TSFM: variants seen among roughly 807,000 people sequenced by gnomAD.
The protein encoded by TSFM is elongation factor Ts, mitochondrial.
A neutral mutation model predicts 33.4 loss-of-function variants in TSFM; 29 were observed. That is an observed-to-expected ratio of 0.87 (90% CI 0.65 to 1.18). The LOEUF (loss-of-function observed/expected upper bound fraction) is 1.18, where lower values mean the gene tolerates loss of function less well. Among genes scored for constraint, TSFM ranks in the 50% most tolerant of loss-of-function variants. The probability of loss-of-function intolerance (pLI) is 0.00; values close to 1 mark genes in which losing one functional copy is unlikely to be tolerated. For synonymous variants in TSFM, 178 were observed against 163.5 expected (o/e 1.09, Z -0.68); for missense variants, 394 against 395.6 (o/e 1.00, Z 0.04).
chr12:57,788,965 C>CTTT (rs35955000), intron 4 of TSFM, among the ~76,000 whole-genome samples: 2 of 136,122 alleles, frequency 1.5e-5, no homozygotes, highest in African/African-American at 2.7e-5. Flanking sequence ...TATCATCGCC[C>CTTT]TTTTTTTTTT....
Position 57,782,875 on chromosome 12 carries a change from C to T in TSFM, c.57+17C>T, listed in dbSNP as rs376631120. 2 of 1,586,200 alleles carry T rather than the reference C, an allele frequency of 1.3e-6. No homozygotes were observed. Among genetic ancestry groups the T allele is most frequent in the East Asian group, 2.3e-5 (1 of 43,292 alleles). On this transcript the variant is annotated intron_variant, in intron 1 of 5. Coordinates refer to ENST00000652027, the MANE Select transcript of TSFM (RefSeq NM_005726.6). Reference sequence around the variant, plus strand: ...AGCTACCCGGTGAGAAGTCCTGGTGCTGGTACCGACCTGCTGTCCCTGCAG... The same window carrying T: ...AGCTACCCGGTGAGAAGTCCTGGTGTTGGTACCGACCTGCTGTCCCTGCAG...
At chr12:57,801,037 T>C (rs1955836787), downstream of TSFM, 4 of 856,378 alleles carry the variant, frequency 4.7e-6, no homozygotes, top group Non-Finnish European at 7.4e-6. Context: ...ACAACTATGG[T>C]AATACTAAGG....
Position 57,796,833 on chromosome 12 carries a change from C to T in TSFM, c.*250C>T. 2.4e-5 allele frequency: 27 copies of T among 1,143,382 alleles called. No homozygotes were observed. Among genetic ancestry groups the T allele is most frequent in the Non-Finnish European group, 2.8e-5 (26 of 933,786 alleles). 70.8% of individuals were successfully genotyped at this position (1,143,382 alleles called of 1,614,324 possible). A position where few individuals can be genotyped will look rare whatever the true frequency, so the allele number is the denominator to read the frequency against. On this transcript the variant is annotated 3_prime_UTR_variant, in exon 6 of 6. Coordinates refer to ENST00000652027, the MANE Select transcript of TSFM (RefSeq NM_005726.6). ...AGAACAGGCATCAACAATACTGCTG[C>T]TCCCTTCAACATAGATTTATTATGG...
At chr12:57,799,785 A>G (rs1231963536), downstream of TSFM, 1 of 1,613,638 alleles carries the variant, frequency 6.2e-7, no homozygotes, top group Non-Finnish European at 8.5e-7. Context: ...CAGTTCCTTC[A>G]GCCACTCACC....
At chr12:57,801,180 CTCT>C (rs757576235), downstream of TSFM, 25 of 1,613,708 alleles carry the variant, frequency 1.5e-5, no homozygotes, top group South Asian at 2.2e-4. Flanking sequence ...CATCTCCCAG[CTCT>C]TCTTTTAATT....
chr12:57,797,836 A>C (rs778662206), downstream of TSFM: 1 of 1,409,522 alleles, frequency 7.1e-7, no homozygotes, highest in African/African-American at 1.5e-5. Flanking sequence ...TATTGGCACT[A>C]TCTGCTCTTT....
At chr12:57,787,311 G>T in intron 4 of TSFM, 149 bp downstream of exon 4, 1 of 806,136 alleles carries the variant, frequency 1.2e-6, no homozygotes, top group Non-Finnish European at 1.8e-6. Flanking sequence ...CCCTTCCCCC[G>T]TTGCTATATC....
chr12:57,792,075 C>A, intron 4 of TSFM: 1 of 195,288 alleles, frequency 5.1e-6, no homozygotes, highest in South Asian at 6.2e-5. Context: ...ACCCTGTCTC[C>A]ACTAAAAAAG....
At chr12:57,798,028 G>C (rs758272362), downstream of TSFM, 63 of 1,514,440 alleles carry the variant, frequency 4.2e-5, 1 homozygote, top group South Asian at 6.4e-4. Flanking sequence ...TAGTTAGAAG[G>C]AAGACATGAC....
In TSFM at chr12:57,793,012, T is replaced by C; in HGVS notation, c.510T>C (p.Ser170=). Residue 170 remains serine, a synonymous_variant, in exon 5 of 6, where the codon TCT becomes TCC. Coordinates refer to ENST00000652027, the MANE Select transcript of TSFM (RefSeq NM_005726.6). ...GTTTCTTGAATTCCTCTGAGCTTTC[T>C]GGACTTCCAGCTGGGCCTGACAGAG... ...SKGFLNSSEL[S]GLPAGPDREG... is the part of the protein sequence containing the mutation. 1 of 1,613,900 alleles carries C rather than the reference T, an allele frequency of 6.2e-7. No individual in the cohort carries two copies.
chr12:57,797,992 A>G (rs1477476501), downstream of TSFM: 48 of 1,603,884 alleles, frequency 3.0e-5, no homozygotes, highest in Non-Finnish European at 4.0e-5. Flanking sequence ...TCAGAGAGGT[A>G]ATTCTAAGAG....
downstream of TSFM, chr12:57,798,076 G>A (rs890262024): frequency 3.3e-5 from 32 of 963,422 alleles, no homozygotes; most frequent in Non-Finnish European, 4.8e-5. Context: ...TGGAGCAAGA[G>A]GGAGTTCTAG....
chr12:57,783,959 T>A (rs1565820212), intron 2 of TSFM: 5 of 702,802 alleles, frequency 7.1e-6, no homozygotes, highest in Non-Finnish European at 2.6e-6. Flanking sequence ...AGTTTTTGCC[T>A]GTACGGTCAT....
At chr12:57,800,839 C>G (rs1955832607), downstream of TSFM, among the ~76,000 whole-genome samples, 1 of 152,186 alleles carries the variant, frequency 6.6e-6, no homozygotes, top group Admixed American at 6.5e-5. Flanking sequence ...AACTCCTGAC[C>G]TTAGGTGATC....
chr12:57,784,567 T>C (rs558078425), intron 2 of TSFM, among the ~76,000 whole-genome samples: 2 of 152,304 alleles, frequency 1.3e-5, no homozygotes, highest in East Asian at 3.9e-4. Context: ...TGTGAGCTTT[T>C]TTCTGTTTTT....
downstream of TSFM, chr12:57,797,684 T>TA: frequency 1.4e-6 from 1 of 716,124 alleles, no homozygotes; most frequent in Middle Eastern, 5.1e-4. Flanking sequence ...AAAAACTATA[T>TA]GGTTAACATT....
Position 57,783,284 on chromosome 12 carries a change from G to C in TSFM, c.231+1G>C. The C allele has an allele frequency of 6.2e-7, 1 of 1,613,370 alleles. No individual in the cohort carries two copies. The highest frequency in any genetic ancestry group is 1.1e-5 in the South Asian group (1 of 91,076). On this transcript the variant is annotated splice_donor_variant, in intron 2 of 5. Coordinates refer to ENST00000652027, the MANE Select transcript of TSFM (RefSeq NM_005726.6). LOFTEE classifies it high-confidence loss of function. ...GACTTGTGGCGGGGACCTCAAACAGGTGTGTGTGTGGAGGGGTGCAGGGCG... is the reference window on the plus strand; with the variant it reads ...GACTTGTGGCGGGGACCTCAAACAGCTGTGTGTGTGGAGGGGTGCAGGGCG...
chr12:57,801,220 GAA>G, downstream of TSFM: 3 of 1,611,870 alleles, frequency 1.9e-6, no homozygotes, highest in South Asian at 3.3e-5. Context: ...TGCCTGAGAA[GAA>G]GAGAGAGAAA....
rs947486555 is a variant in TSFM, at chr12:57,792,678, C to T, written c.484-308C>T. ...CATAATCTGAGCTCAGTGCAACCTC[C>T]GCCTCCCAGGTTTAAGCGATTCTCA... On this transcript the variant is annotated intron_variant, in intron 4 of 5. Coordinates refer to ENST00000652027, the MANE Select transcript of TSFM (RefSeq NM_005726.6). Among the ~76,000 whole-genome samples, 6 of 152,140 alleles carry T rather than the reference C, an allele frequency of 3.9e-5. No homozygotes were observed. In the South Asian group the frequency reaches 6.2e-4, roughly 16 times the overall value.
Sources: allele counts gnomAD v4.1 joint callset (sites outside exome capture counted in the v4.1 genomes callset), GRCh38; gene constraint gnomAD v4.1.1; transcripts MANE v1.5; gene names NCBI Gene and HGNC (gene_info 2026-07-23, HGNC 2026-07-21).